VPS13B: variants seen among roughly 807,000 people sequenced by gnomAD.
VPS13B encodes vacuolar protein sorting 13 homolog B, also known as intermembrane lipid transfer protein VPS13B.
A neutral mutation model predicts 426.4 loss-of-function variants in VPS13B; 285 were observed. The ratio of observed to expected loss-of-function variants is 0.67; its 90% CI spans 0.61 to 0.74. The LOEUF is 0.74. Ranked by LOEUF, VPS13B falls within the 30% of genes least tolerant of loss-of-function variation. The pLI is 0.00. For synonymous variants in VPS13B, 1,676 were observed against 1,676.4 expected, an observed-to-expected ratio of 1.00 and a Z score of 0.01; for missense variants, 4,537 against 4,782.6, an observed-to-expected ratio of 0.95 and a Z score of 1.51.
intron 40 of VPS13B, among the ~76,000 whole-genome samples, chr8:99,775,600 A>G (rs1273748908): frequency 3.3e-5 from 5 of 152,150 alleles, no homozygotes; most frequent in African/African-American, 7.2e-5. Flanking sequence ...CACTTTAATC[A>G]GATTTAACTC....
At chr8:99,120,272 G>A (rs1043835861) in intron 7 of VPS13B, 2 of 151,946 alleles carry the variant, frequency 1.3e-5, no homozygotes, top group East Asian at 1.9e-4. Context: ...GGCTGGTCTC[G>A]AACTCCTGAG....
chr8:99,545,736 G>A (rs1823934736), intron 30 of VPS13B, among the ~76,000 whole-genome samples: 1 of 152,052 alleles, frequency 6.6e-6, no homozygotes, highest in Non-Finnish European at 1.5e-5. Flanking sequence ...CTTAGTACTA[G>A]ATATTTGTGG....
At chr8:99,021,805 G>C (rs367626431) in intron 2 of VPS13B, among the ~76,000 whole-genome samples, 3 of 152,040 alleles carry the variant, frequency 2.0e-5, no homozygotes, top group African/African-American at 4.8e-5. Context: ...TAGAGACGAG[G>C]TCTCACGATG....
chr8:99,853,680 A>G lies in VPS13B; in HGVS notation c.10291A>G (p.Asn3431Asp), dbSNP rs937382424. The stretch of plus-strand genomic sequence containing the variant: ...CTGCTGTGGGGACCTGCAGCTAGAC[A>G]ACCAGCTTTATAACAAGTCCAATTT... Reference protein sequence around the residue: ...EICCGDLQLDNQLYNKSNFHF... With the variant: ...EICCGDLQLDDQLYNKSNFHF... Residue 3431 changes from asparagine to aspartate, a missense_variant, in exon 56 of 62, where the codon AAC becomes GAC. Coordinates refer to ENST00000357162, the MANE Select transcript of VPS13B (RefSeq NM_152564.5). 4 of 1,614,200 alleles carry G rather than the reference A, an allele frequency of 2.5e-6. No homozygotes were observed. The Admixed American group carries it at 5.0e-5, about 20-fold the overall frequency.
intron 19 of VPS13B, among the ~76,000 whole-genome samples, chr8:99,367,221 G>T (rs1301463284): frequency 2.0e-5 from 3 of 152,058 alleles, no homozygotes; most frequent in Non-Finnish European, 4.4e-5. Flanking sequence ...TGTTTGTTTG[G>T]GTAAGTCTTT....
intron 21 of VPS13B, among the ~76,000 whole-genome samples, chr8:99,418,476 TTTCTTTC>T (rs1563718895): frequency 6.9e-6 from 1 of 145,124 alleles, no homozygotes; most frequent in Non-Finnish European, 1.5e-5. Context: ...TCTTTCTTTC[TTTCTTTC>T]TTTCTTTCTT....
intron 39 of VPS13B, among the ~76,000 whole-genome samples, chr8:99,741,752 A>T (rs1215253711): frequency 6.6e-6 from 1 of 152,226 alleles, no homozygotes; most frequent in Non-Finnish European, 1.5e-5. Context: ...TGAAGGCAGA[A>T]ATAAAGATGT....
chr8:99,209,878 A>G, intron 17 of VPS13B: 1 of 417,312 alleles, frequency 2.4e-6, no homozygotes, highest in Non-Finnish European at 3.1e-6. Flanking sequence ...TATAATGTAT[A>G]CTAAATGTTA....
At position 99,269,735 on chromosome 8, in the gene VPS13B, G is replaced by A. The variant is rs140844213; in HGVS notation, c.2516-4463G>A. Reference sequence around the variant, plus strand: ...TGAGAGAAGTATTCCTGTGAGTGGTGCCCTGAGTTGTATAATGTCAAGACT... The same window carrying A: ...TGAGAGAAGTATTCCTGTGAGTGGTACCCTGAGTTGTATAATGTCAAGACT... On this transcript the variant is annotated intron_variant, in intron 17 of 61. Coordinates refer to ENST00000357162, the MANE Select transcript of VPS13B (RefSeq NM_152564.5). 6.1e-3 allele frequency among the ~76,000 whole-genome samples: 933 copies of A among 152,212 alleles called. 13 individuals are homozygous for A. The highest frequency in any genetic ancestry group is 0.02 in the African/African-American group (848 of 41,526).
intron 31 of VPS13B, among the ~76,000 whole-genome samples, chr8:99,558,613 A>G (rs1824718947): frequency 6.6e-6 from 1 of 151,860 alleles, no homozygotes; most frequent in African/African-American, 2.4e-5. Context: ...CCTGTGTCCA[A>G]GTGTTCTCAT....
intron 24 of VPS13B, among the ~76,000 whole-genome samples, chr8:99,472,017 C>G (rs1035795402): frequency 3.9e-5 from 6 of 152,060 alleles, no homozygotes; most frequent in Admixed American, 2.0e-4. Context: ...ACCATACAAA[C>G]AGTCAGCATA....
chr8:99,725,722 C>T (rs750177109), intron 39 of VPS13B, among the ~76,000 whole-genome samples: 3 of 152,062 alleles, frequency 2.0e-5, no homozygotes, highest in Non-Finnish European at 4.4e-5. Flanking sequence ...TTTTATGGAA[C>T]GAATGAATGT....
At chr8:99,618,564 T>C (rs1828210176) in intron 33 of VPS13B, among the ~76,000 whole-genome samples, 1 of 152,214 alleles carries the variant, frequency 6.6e-6, no homozygotes, top group Non-Finnish European at 1.5e-5. Flanking sequence ...ATATGATCTT[T>C]GATGGAAATG....
chr8:99,440,059 A>G, intron 22 of VPS13B, among the ~76,000 whole-genome samples: 1 of 152,144 alleles, frequency 6.6e-6, no homozygotes, highest in Non-Finnish European at 1.5e-5. Context: ...AGGAATCAAA[A>G]TAGAGGTGGT....
intron 16 of VPS13B, among the ~76,000 whole-genome samples, chr8:99,176,727 A>T (rs1196884073): frequency 6.6e-6 from 1 of 152,240 alleles, no homozygotes; most frequent in Non-Finnish European, 1.5e-5. Context: ...TTTTGTATTG[A>T]AAATGCAGCT....
intron 25 of VPS13B, among the ~76,000 whole-genome samples, chr8:99,483,443 G>A (rs1054163499): frequency 2.0e-5 from 3 of 152,230 alleles, no homozygotes; most frequent in Admixed American, 2.0e-4. Context: ...AGTAAAAAAA[G>A]CTATTTAACT....
At chr8:99,811,229 C>T (rs1462150282) in intron 44 of VPS13B, among the ~76,000 whole-genome samples, 3 of 152,108 alleles carry the variant, frequency 2.0e-5, no homozygotes, top group East Asian at 1.9e-4. Flanking sequence ...TTCCTGATTT[C>T]GAACCAAAAA....
chr8:99,814,467 A>T (rs1449787), intron 44 of VPS13B, among the ~76,000 whole-genome samples: 49,056 of 152,000 alleles, frequency 0.32, 8,180 homozygotes, highest in East Asian at 0.47. Context: ...GGTGGCATTA[A>T]AGCTGTATAC....
At chr8:99,762,265 ATCC>A (rs916133719) in intron 39 of VPS13B, among the ~76,000 whole-genome samples, 2 of 151,998 alleles carry the variant, frequency 1.3e-5, no homozygotes, top group Admixed American at 6.5e-5. Flanking sequence ...GGCTCCAGCA[ATCC>A]TCCTGTCTCC....
Sources: allele counts gnomAD v4.1 joint callset (sites outside exome capture counted in the v4.1 genomes callset), GRCh38; gene constraint gnomAD v4.1.1; transcripts MANE v1.5; gene names NCBI Gene and HGNC (gene_info 2026-07-23, HGNC 2026-07-21).